The following TIAM2 variants were observed in gnomAD, a reference collection of about 807,000 sequenced individuals.
TIAM2 encodes rho guanine nucleotide exchange factor TIAM2.
A neutral mutation model predicts 152.9 loss-of-function variants in TIAM2; 80 were observed. The ratio of observed to expected loss-of-function variants is 0.52; its 90% CI spans 0.44 to 0.63. The LOEUF (loss-of-function observed/expected upper bound fraction) is 0.63. Ranked by LOEUF, TIAM2 falls within the 30% of genes least tolerant of loss-of-function variation. The pLI is 0.00. For synonymous variants in TIAM2, 804 were observed against 838.0 expected (o/e 0.96, Z 0.70); for missense variants, 1,965 against 2,120.1 (o/e 0.93, Z 1.44).
At position 155,247,997 on chromosome 6, in the gene TIAM2, T is replaced by C; in HGVS notation, c.3653-3T>C. 1.2e-6 allele frequency: 2 copies of C among 1,613,480 alleles called. No homozygotes were observed. Among genetic ancestry groups the C allele is most frequent in the Non-Finnish European group, 1.7e-6 (2 of 1,179,578 alleles). ...CTGAGGTCTTTTATCCATCTGCTTG[T>C]AGCTAAAACTGACAAAGCCTTCAAG... On this transcript the variant is annotated splice_region_variant and splice_polypyrimidine_tract_variant and intron_variant, in intron 19 of 26. Transcript: ENST00000682666.
At chr6:155,148,378 A>T in intron 7 of TIAM2, 44 bp downstream of exon 7, 1 of 1,563,952 alleles carries the variant, frequency 6.4e-7, no homozygotes, top group Non-Finnish European at 8.7e-7. Context: ...TGCTCATGTC[A>T]CTTGTGCAGT....
chr6:155,033,870 C>T (rs1776869141), intron 1 of TIAM2, among the ~76,000 whole-genome samples: 1 of 151,930 alleles, frequency 6.6e-6, no homozygotes, highest in East Asian at 1.9e-4. Context: ...GTGCGTGCCA[C>T]CACACCCGGC....
At chr6:155,227,328 C>T (rs73006778) in intron 15 of TIAM2, among the ~76,000 whole-genome samples, 4,557 of 152,246 alleles carry the variant, frequency 0.03, 88 homozygotes, top group Non-Finnish European at 0.049. Context: ...TAGCCCATGG[C>T]GAATACAATG....
chr6:155,196,740 A>G (rs1781354838), intron 14 of TIAM2, among the ~76,000 whole-genome samples: 2 of 152,324 alleles, frequency 1.3e-5, no homozygotes, highest in African/African-American at 4.8e-5. Context: ...TTGAAATGCA[A>G]ATTGTAGCAC....
At chr6:155,090,752 T>C (rs1043381711) in intron 2 of TIAM2, among the ~76,000 whole-genome samples, 5 of 151,994 alleles carry the variant, frequency 3.3e-5, no homozygotes, top group African/African-American at 9.7e-5. Context: ...CCAGACCAAA[T>C]AGGACCTCCT....
At chr6:155,001,080 T>A (rs1778305428) in intron 1 of TIAM2, among the ~76,000 whole-genome samples, 1 of 152,084 alleles carries the variant, frequency 6.6e-6, no homozygotes, top group South Asian at 2.1e-4. Flanking sequence ...GTGGTAACAG[T>A]GTAGATCATC....
intron 19 of TIAM2, among the ~76,000 whole-genome samples, chr6:155,247,748 G>A (rs543061686): frequency 5.4e-4 from 83 of 152,312 alleles, no homozygotes; most frequent in South Asian, 1.0e-3. Flanking sequence ...TTTTGAGTCA[G>A]TGTTAGTCTT....
chr6:155,178,055 G>C (rs1007791036), intron 10 of TIAM2, among the ~76,000 whole-genome samples: 2 of 151,952 alleles, frequency 1.3e-5, no homozygotes, highest in African/African-American at 4.8e-5. Flanking sequence ...CAGCTACTCG[G>C]GAGGCAGAGG....
intron 7 of TIAM2, among the ~76,000 whole-genome samples, chr6:155,161,107 G>C (rs1466073724): frequency 6.6e-6 from 1 of 152,164 alleles, no homozygotes; most frequent in Non-Finnish European, 1.5e-5. Flanking sequence ...GATTTGGGTG[G>C]AGAGGTCTAT....
chr6:155,149,999 A>G (rs148421912), intron 7 of TIAM2, among the ~76,000 whole-genome samples: 76 of 152,240 alleles, frequency 5.0e-4, no homozygotes, highest in African/African-American at 1.6e-3. Context: ...CATGCATTCA[A>G]TGATACACCG....
At chr6:155,244,291 G>A (rs1382536287) in intron 17 of TIAM2, among the ~76,000 whole-genome samples, 1 of 152,188 alleles carries the variant, frequency 6.6e-6, no homozygotes, top group Non-Finnish European at 1.5e-5. Context: ...AAAGGCAGAG[G>A]GACGGTTATG....
intron 16 of TIAM2, 113 bp downstream of exon 16, chr6:155,240,822 G>T: frequency 9.1e-7 from 1 of 1,096,656 alleles, no homozygotes; most frequent in East Asian, 2.5e-5. Context: ...TCCCCAGGGG[G>T]GGACACCTGC....
intron 9 of TIAM2, among the ~76,000 whole-genome samples, chr6:155,168,403 G>A (rs992874022): frequency 6.6e-6 from 1 of 152,042 alleles, no homozygotes; most frequent in Non-Finnish European, 1.5e-5. Context: ...TGTTGCCCAG[G>A]CTGCAGTGCA....
chr6:155,008,447 C>G (rs1236898072), intron 1 of TIAM2, among the ~76,000 whole-genome samples: 1 of 152,188 alleles, frequency 6.6e-6, no homozygotes. Flanking sequence ...AGGGGTGAAA[C>G]ACAGTCACTT....
chr6:155,145,052 T>C (rs12525523), intron 6 of TIAM2, among the ~76,000 whole-genome samples: 94,417 of 151,842 alleles, frequency 0.62, 29,780 homozygotes, highest in Admixed American at 0.74. Context: ...AAAAAAATCA[T>C]GATCCCTGTC....
intron 14 of TIAM2, among the ~76,000 whole-genome samples, chr6:155,198,586 C>T (rs560520278): frequency 7.8e-5 from 11 of 140,906 alleles, no homozygotes; most frequent in Non-Finnish European, 1.5e-4. Context: ...CACTTGAACC[C>T]GGGAGGCAGA....
chr6:155,179,291 C>A lies in TIAM2; in HGVS notation c.2629-87C>A, dbSNP rs891522351. The A allele has an allele frequency of 2.7e-6, 4 of 1,488,938 alleles. No individual in the cohort carries two copies. In the Admixed American group the frequency reaches 6.8e-5, roughly 25 times the overall value. The allele number at this position is 1,488,938 out of a possible 1,614,324, so 92.2% of individuals were successfully genotyped here. ...ATATAAACGGTATCTTAACAGCTTT[C>A]TTGTTTTATGAAAAATAGTGTCAAA... is the stretch of plus-strand genomic sequence containing the variant. On this transcript the variant is annotated intron_variant, in intron 11 of 26. Coordinates refer to ENST00000682666, the MANE Select transcript of TIAM2 (RefSeq NM_012454.4).
intron 15 of TIAM2, among the ~76,000 whole-genome samples, chr6:155,221,528 T>C (rs1782045808): frequency 6.6e-6 from 1 of 152,194 alleles, no homozygotes; most frequent in Non-Finnish European, 1.5e-5. Flanking sequence ...TTTGCTCTCA[T>C]CCTGTCTGAG....
chr6:154,997,629 ATTTTTTTTTTTTTTTTTTT>A (rs57280691), intron 1 of TIAM2, among the ~76,000 whole-genome samples: 1 of 62,082 alleles, frequency 1.6e-5, no homozygotes, highest in African/African-American at 6.8e-5. Context: ...GAAAGAATGG[ATTTTTTTTTTTTTTTTTTT>A]TTTTTTTTTT....
Sources: gnomAD v4.1 joint callset for allele counts (sites outside exome capture counted in the v4.1 genomes callset) on GRCh38, gnomAD v4.1.1 for gene constraint, MANE v1.5 for transcripts, NCBI Gene and HGNC (gene_info 2026-07-23, HGNC 2026-07-21) for gene names.